RGS6: variants seen among roughly 807,000 people sequenced by gnomAD.
RGS6 encodes the protein regulator of G-protein signaling 6.
A neutral mutation model predicts 78.5 loss-of-function variants in RGS6; 30 were observed. The ratio of observed to expected loss-of-function variants is 0.38; its 90% CI spans 0.29 to 0.52. The LOEUF (loss-of-function observed/expected upper bound fraction) is 0.52, where lower values mean the gene tolerates loss of function less well. Ranked by LOEUF, RGS6 falls within the 20% of genes least tolerant of loss-of-function variation. The pLI is 0.85. For missense variants in RGS6, 495 were observed against 609.7 expected (o/e 0.81, Z 1.98); for synonymous variants, 206 against 206.0 (o/e 1.00, Z 0.00).
chr14:72,512,153 TAGAGGCCC>T (rs1299055387), intron 14 of RGS6, among the ~76,000 whole-genome samples: 1 of 152,098 alleles, frequency 6.6e-6, no homozygotes, highest in Non-Finnish European at 1.5e-5. Context: ...TGGAGCGGTA[TAGAGGCCC>T]CCTTTACCTA....
chr14:72,389,783 T>A (rs547172059), intron 3 of RGS6, among the ~76,000 whole-genome samples: 5 of 152,318 alleles, frequency 3.3e-5, no homozygotes, highest in African/African-American at 1.2e-4. Flanking sequence ...AACAAAAAAC[T>A]GTGGCTAGCT....
chr14:72,468,978 C>T (rs2096001205), intron 7 of RGS6, among the ~76,000 whole-genome samples: 1 of 152,162 alleles, frequency 6.6e-6, no homozygotes, highest in Non-Finnish European at 1.5e-5. Flanking sequence ...TATGAAAATA[C>T]ATAGCATAAT....
At chr14:72,589,232 C>T in the RGS6 span, among the ~76,000 whole-genome samples, 3 of 152,140 alleles carry the variant, frequency 2.0e-5, no homozygotes, top group African/African-American at 7.2e-5. Context: ...AGGTTCTCAC[C>T]TGCTGCTGGG....
Position 72,171,601 on chromosome 14 carries a change from G to A in RGS6, c.85-180494G>A, listed in dbSNP as rs1236271974. On this transcript the variant is annotated intron_variant, in intron 2 of 17. Transcript: ENST00000553525. Reference sequence around the variant, plus strand: ...TCAGATTTGTTTTAAGGGTTGGGGGGAGTATTCACCTTCTGAAGTAAAAGA... The same window carrying A: ...TCAGATTTGTTTTAAGGGTTGGGGGAAGTATTCACCTTCTGAAGTAAAAGA... 3.9e-5 allele frequency among the ~76,000 whole-genome samples: 6 copies of A among 152,154 alleles called. No homozygotes were observed. The South Asian group carries it at 6.2e-4, about 16-fold the overall frequency.
intron 2 of RGS6, among the ~76,000 whole-genome samples, chr14:72,088,533 C>T (rs76195017): frequency 7.2e-5 from 11 of 152,304 alleles, no homozygotes; most frequent in African/African-American, 2.6e-4. Flanking sequence ...TAGTTATTGA[C>T]ATCAAGCTAC....
At chr14:72,196,309 T>C (rs2040129880) in intron 2 of RGS6, among the ~76,000 whole-genome samples, 1 of 151,992 alleles carries the variant, frequency 6.6e-6, no homozygotes, top group South Asian at 2.1e-4. Flanking sequence ...ATTAACCAGT[T>C]TATGGATTAA....
chr14:72,542,668 A>G (rs1413222446), intron 17 of RGS6, among the ~76,000 whole-genome samples: 3 of 152,230 alleles, frequency 2.0e-5, no homozygotes, highest in Non-Finnish European at 4.4e-5. Flanking sequence ...GGCAAAAAGA[A>G]ATAATGTTGA....
At chr14:72,406,155 G>A (rs1377544368) in intron 3 of RGS6, among the ~76,000 whole-genome samples, 5 of 152,168 alleles carry the variant, frequency 3.3e-5, no homozygotes, top group Non-Finnish European at 1.5e-5. Context: ...GGGAGGCCGA[G>A]GCAGGCAGAT....
the RGS6 span, among the ~76,000 whole-genome samples, chr14:71,898,524 A>C: frequency 2.6e-5 from 4 of 152,158 alleles, no homozygotes; most frequent in Non-Finnish European, 5.9e-5. Flanking sequence ...TTTTGCTTTA[A>C]GTTCTGGGAT....
At chr14:72,265,617 C>T (rs2058916371) in intron 2 of RGS6, among the ~76,000 whole-genome samples, 1 of 152,212 alleles carries the variant, frequency 6.6e-6, no homozygotes, top group East Asian at 1.9e-4. Context: ...CTACTGACGG[C>T]TACCCAATGG....
intron 2 of RGS6, among the ~76,000 whole-genome samples, chr14:72,296,250 T>C (rs1280184926): frequency 6.6e-6 from 1 of 152,222 alleles, no homozygotes; most frequent in African/African-American, 2.4e-5. Flanking sequence ...TGCCAGTTTA[T>C]CCATTCTCCT....
chr14:72,540,089 A>G lies in RGS6; in HGVS notation c.1417A>G (p.Ser473Gly). The G allele has an allele frequency of 1.9e-6, 3 of 1,587,924 alleles. No homozygotes were observed. The highest frequency in any genetic ancestry group is 2.5e-6 in the Non-Finnish European group (3 of 1,177,136). Reference sequence around the variant, plus strand: ...AACTTCCCTAGAAAAGTTCACTCGCAGTGTGGTAAGTTCAGTCGGTTTTCT... The same window carrying G: ...AACTTCCCTAGAAAAGTTCACTCGCGGTGTGGTAAGTTCAGTCGGTTTTCT... ...RRTSLEKFTR[S>G]VGKSLAGKRL... Residue 473 changes from serine (S) to glycine (G), a missense_variant, in exon 17 of 18, where the codon AGT becomes GGT. Ser to Gly is a moderately conservative substitution (Grantham distance 56). Transcript: ENST00000553525.
intron 2 of RGS6, among the ~76,000 whole-genome samples, chr14:72,231,815 CT>C (rs2049690214): frequency 6.6e-6 from 1 of 151,814 alleles, no homozygotes; most frequent in Non-Finnish European, 1.5e-5. Flanking sequence ...AGGCTGGAGG[CT>C]GCTTCTCCCT....
chr14:72,536,360 C>A, intron 16 of RGS6, 85 bp downstream of exon 16: 1 of 969,486 alleles, frequency 1.0e-6, no homozygotes, highest in Non-Finnish European at 1.7e-6. Context: ...GAATATCATC[C>A]CTTGGGTTTT....
the RGS6 span, among the ~76,000 whole-genome samples, chr14:72,612,991 G>GGCGTGT: frequency 2.8e-5 from 2 of 71,014 alleles, no homozygotes; most frequent in Non-Finnish European, 5.9e-5. Flanking sequence ...CATTAAGTAG[G>GGCGTGT]GCGTGTGTGT....
chr14:72,017,481 A>G (rs536560038), intron 2 of RGS6, among the ~76,000 whole-genome samples: 72 of 152,246 alleles, frequency 4.7e-4, no homozygotes, highest in African/African-American at 1.7e-3. Context: ...TTGTTAATAA[A>G]GTTTTATTGA....
the RGS6 span, among the ~76,000 whole-genome samples, chr14:71,892,300 C>CTCCCAAA: frequency 1.3e-5 from 2 of 152,202 alleles, no homozygotes; most frequent in African/African-American, 4.8e-5. Flanking sequence ...AGCAATTAGC[C>CTCCCAAA]ACCAGTAGGT....
intron 2 of RGS6, among the ~76,000 whole-genome samples, chr14:72,047,898 G>GTTT (rs869098348): frequency 8.4e-4 from 25 of 29,614 alleles, no homozygotes; most frequent in South Asian, 1.9e-3. Flanking sequence ...GCTAATTTTT[G>GTTT]TTTTTTTTTT....
intron 3 of RGS6, among the ~76,000 whole-genome samples, chr14:72,416,517 C>CT (rs939792046): frequency 2.0e-5 from 3 of 152,108 alleles, no homozygotes; most frequent in African/African-American, 7.2e-5. Context: ...AAAACTAAAA[C>CT]TATAAAGTGA....
Sources: gnomAD v4.1 joint callset for allele counts (sites outside exome capture counted in the v4.1 genomes callset) on GRCh38, gnomAD v4.1.1 for gene constraint, MANE v1.5 for transcripts, NCBI Gene and HGNC (gene_info 2026-07-23, HGNC 2026-07-21) for gene names.